The following AAK1 variants were observed in gnomAD, a reference collection of about 807,000 sequenced individuals.
AAK1 encodes the protein AP2 associated kinase 1.
A neutral mutation model predicts 116.0 loss-of-function variants in AAK1; 37 were observed. The ratio of observed to expected loss-of-function variants is 0.32; its 90% CI spans 0.25 to 0.42. The LOEUF is 0.42. AAK1 is among the 10% of genes least tolerant of loss of function. The pLI, the probability that AAK1 is intolerant of heterozygous loss-of-function variation, is 1.00. For synonymous variants in AAK1, 458 were observed against 439.9 expected, an observed-to-expected ratio of 1.04 and a Z score of -0.51; for missense variants, 919 against 1,170.6, an observed-to-expected ratio of 0.79 and a Z score of 3.14.
At chr2:69,579,655 T>C (rs1484724005) in intron 2 of AAK1, among the ~76,000 whole-genome samples, 3 of 152,228 alleles carry the variant, frequency 2.0e-5, no homozygotes, top group Admixed American at 6.5e-5. Flanking sequence ...ATGCTCAGTA[T>C]TTCCCCTACA....
In AAK1 at chr2:69,530,666, G is replaced by C. The variant is rs746954308; in HGVS notation, c.697C>G (p.Leu233Val). 5 of 1,613,790 alleles carry C rather than the reference G, an allele frequency of 3.1e-6. No homozygotes were observed. The South Asian group carries it at 5.5e-5, about 18-fold the overall frequency. The change falls in exon 7 of 22, where the codon CTG (leucine) becomes GTG (valine). Residue 233 changes from leucine to valine, a missense_variant. Coordinates refer to ENST00000409085, the MANE Select transcript of AAK1 (RefSeq NM_014911.5). ...LSYRAPEMVN[L>V]YSGKIITTKA... ...GTAGTGATGATTTTGCCACTGTACAGGTTGACCATTTCTGGTGCTCGATAG... is the reference window on the plus strand; with the variant it reads ...GTAGTGATGATTTTGCCACTGTACACGTTGACCATTTCTGGTGCTCGATAG...
chr2:69,538,751 G>A (rs771017600), intron 5 of AAK1, among the ~76,000 whole-genome samples: 2 of 152,054 alleles, frequency 1.3e-5, no homozygotes, highest in Admixed American at 6.5e-5. Context: ...GCGTGGTGGC[G>A]GGCACCAGTA....
At chr2:69,482,541 C>A (rs1246546447) in intron 18 of AAK1, 170 bp downstream of exon 18, 1 of 724,000 alleles carries the variant, frequency 1.4e-6, no homozygotes, top group Middle Eastern at 2.3e-4. Context: ...CGTTGTACCC[C>A]CGAAAAGCAA....
At chr2:69,614,986 C>T (rs1392535896) in intron 2 of AAK1, among the ~76,000 whole-genome samples, 1 of 152,154 alleles carries the variant, frequency 6.6e-6, no homozygotes, top group South Asian at 2.1e-4. Flanking sequence ...GCCTCCAGAA[C>T]TGTGAGAAGG....
At chr2:69,576,234 T>C (rs1348687065) in intron 2 of AAK1, among the ~76,000 whole-genome samples, 2 of 152,132 alleles carry the variant, frequency 1.3e-5, no homozygotes, top group Non-Finnish European at 2.9e-5. Flanking sequence ...ATATACAATA[T>C]ACAATGATTG....
intron 17 of AAK1, among the ~76,000 whole-genome samples, chr2:69,493,076 G>A (rs938180435): frequency 1.4e-5 from 2 of 147,610 alleles, no homozygotes; most frequent in Admixed American, 7.0e-5. Flanking sequence ...GGAGAATGGC[G>A]TGAACCCGGG....
chr2:69,514,430 C>T lies in AAK1; in HGVS notation c.1776+41G>A, dbSNP rs373813714. 4.4e-4 allele frequency: 658 copies of T among 1,492,962 alleles called. 2 individuals are homozygous for T. Among genetic ancestry groups the T allele is most frequent in the African/African-American group, 3.3e-3 (235 of 71,848 alleles). The allele number at this position is 1,492,962 out of a possible 1,614,324, so 92.5% of individuals were successfully genotyped here. On this transcript the variant is annotated intron_variant, in intron 13 of 21. Coordinates refer to ENST00000409085, the MANE Select transcript of AAK1 (RefSeq NM_014911.5). ...CTTCCCCTAGCTCTCGCTGCACATT[C>T]CTCTGCTGCTTTTGTGCTCTGAGCT...
At position 69,557,378 on chromosome 2, in the gene AAK1, T is replaced by C. The variant is rs150292308; in HGVS notation, c.164-400A>G. 3.0e-3 allele frequency among the ~76,000 whole-genome samples: 456 copies of C among 151,658 alleles called. 10 individuals carry two copies. The East Asian group carries it at 0.074, about 25-fold the overall frequency. On this transcript the variant is annotated intron_variant, in intron 2 of 21. Transcript: ENST00000409085. ...ATGAAGTGGCGTGATCACTGCTCACTGCAGCCTTGACCTCCTGGGTTCAAT... is the reference window on the plus strand; with the variant it reads ...ATGAAGTGGCGTGATCACTGCTCACCGCAGCCTTGACCTCCTGGGTTCAAT...
In AAK1 at chr2:69,461,657, C is replaced by T. The variant is rs908035916; in HGVS notation, c.*14212G>A. On this transcript the variant is annotated 3_prime_UTR_variant, in exon 22 of 22. Transcript: ENST00000409085. ...TCGCCCAGGCTGGAGTGCAATGACA[C>T]AATCTTGGCTCACTGCAAAGTCTGC... The T allele has an allele frequency of 2.8e-5, 12 of 431,274 alleles. No individual in the cohort carries two copies. 26.7% of individuals were successfully genotyped at this position (431,274 alleles called of 1,614,324 possible).
At chr2:69,593,120 T>C (rs1357140258) in intron 2 of AAK1, among the ~76,000 whole-genome samples, 1 of 152,228 alleles carries the variant, frequency 6.6e-6, no homozygotes, top group African/African-American at 2.4e-5. Context: ...TGTGCTTTGA[T>C]AAGATACATT....
chr2:69,527,112 A>T, intron 9 of AAK1, 104 bp downstream of exon 9: 2 of 810,514 alleles, frequency 2.5e-6, no homozygotes, highest in South Asian at 3.2e-5. Flanking sequence ...CAGTAGATAA[A>T]GCAAGGGACA....
intron 10 of AAK1, among the ~76,000 whole-genome samples, chr2:69,524,059 A>AT (rs1292348404): frequency 2.6e-5 from 4 of 152,106 alleles, no homozygotes; most frequent in African/African-American, 9.7e-5. Context: ...TTTTGGAAGA[A>AT]CCTAGGTTGA....
rs1057327752 is a variant in AAK1 at position 69,461,581 on chromosome 2, T to G, written c.*14288A>C. On this transcript the variant is annotated 3_prime_UTR_variant, in exon 22 of 22. Transcript: ENST00000409085. ...AGGTATGTAGAGTCTCCACCCATCATGTCTCCAGTGACAATTTTTTTTTTT... is the reference window on the plus strand; with the variant it reads ...AGGTATGTAGAGTCTCCACCCATCAGGTCTCCAGTGACAATTTTTTTTTTT... The G allele has an allele frequency of 2.3e-6, 1 of 426,580 alleles. No individual in the cohort carries two copies. The highest frequency in any genetic ancestry group is 4.6e-6 in the Non-Finnish European group (1 of 215,508). 26.4% of individuals were successfully genotyped at this position (426,580 alleles called of 1,614,324 possible).
At chr2:69,505,373 C>T (rs149077482) in intron 16 of AAK1, among the ~76,000 whole-genome samples, 196 bp downstream of exon 16, 6 of 151,998 alleles carry the variant, frequency 3.9e-5, no homozygotes, top group African/African-American at 1.4e-4. Context: ...GATCTTTATC[C>T]CTTTTTGATC....
chr2:69,636,218 T>A (rs1442427880), intron 2 of AAK1, among the ~76,000 whole-genome samples: 1 of 151,124 alleles, frequency 6.6e-6, no homozygotes, highest in Non-Finnish European at 1.5e-5. Context: ...AAACCTTGGA[T>A]TAAAGATAAT....
intron 2 of AAK1, among the ~76,000 whole-genome samples, chr2:69,610,098 T>C (rs1674012975): frequency 6.6e-6 from 1 of 151,020 alleles, no homozygotes; most frequent in Non-Finnish European, 1.5e-5. Flanking sequence ...CCTTCTGATT[T>C]AAAAACTTAC....
intron 12 of AAK1, among the ~76,000 whole-genome samples, chr2:69,517,223 A>G (rs965441160): frequency 6.6e-6 from 1 of 152,222 alleles, no homozygotes; most frequent in African/African-American, 2.4e-5. Flanking sequence ...GAAAGAATCA[A>G]GTGTTTTTCC....
chr2:69,496,401 C>G (rs1006051379), intron 16 of AAK1, among the ~76,000 whole-genome samples: 18 of 151,474 alleles, frequency 1.2e-4, no homozygotes. Flanking sequence ...CCTCCTGAGT[C>G]GCCAGGCGCC....
chr2:69,582,507 C>G (rs1672591810), intron 2 of AAK1, among the ~76,000 whole-genome samples: 1 of 152,152 alleles, frequency 6.6e-6, no homozygotes, highest in Non-Finnish European at 1.5e-5. Context: ...CCCACGCTGG[C>G]TCTTTTGGTC....
Sources: allele counts gnomAD v4.1 joint callset (sites outside exome capture counted in the v4.1 genomes callset), GRCh38; gene constraint gnomAD v4.1.1; transcripts MANE v1.5; gene names NCBI Gene and HGNC (gene_info 2026-07-23, HGNC 2026-07-21).